The following PRKG1 variants were observed in gnomAD, a reference collection of about 807,000 sequenced individuals.
PRKG1 encodes the protein cGMP-dependent protein kinase 1.
A neutral mutation model predicts 88.1 loss-of-function variants in PRKG1; 35 were observed. That is an observed-to-expected ratio of 0.40 (90% confidence interval 0.30 to 0.53). The LOEUF is 0.53. PRKG1 is among the 20% of genes least tolerant of loss of function. The probability of loss-of-function intolerance (pLI) is 0.59; values close to 1 mark genes in which losing one functional copy is unlikely to be tolerated. For missense variants in PRKG1, 540 were observed against 839.8 expected, an observed-to-expected ratio of 0.64 and a Z score of 4.41; for synonymous variants, 303 against 292.5, an observed-to-expected ratio of 1.04 and a Z score of -0.37.
At chr10:52,009,054 A>G (rs1320022272) in intron 5 of PRKG1, among the ~76,000 whole-genome samples, 2 of 152,268 alleles carry the variant, frequency 1.3e-5, no homozygotes, top group East Asian at 3.9e-4. Context: ...ATCTATGACA[A>G]TCTCACAGCC....
chr10:52,231,699 T>C (rs1000693470), intron 9 of PRKG1, among the ~76,000 whole-genome samples: 1 of 152,220 alleles, frequency 6.6e-6, no homozygotes, highest in African/African-American at 2.4e-5. Context: ...CTCCACTTCC[T>C]GTATACAAAT....
chr10:51,504,784 A>G (rs376269939), intron 3 of PRKG1, among the ~76,000 whole-genome samples: 1,668 of 151,888 alleles, frequency 0.011, 35 homozygotes, highest in East Asian at 0.083. Flanking sequence ...TCTGTTATTG[A>G]TGTATAAGAA....
At chr10:52,239,252 C>G (rs1438939969) in intron 9 of PRKG1, among the ~76,000 whole-genome samples, 1 of 139,540 alleles carries the variant, frequency 7.2e-6, no homozygotes, top group African/African-American at 2.6e-5. Flanking sequence ...AGCGCACCGG[C>G]ATGGCACATG....
At chr10:51,327,014 T>C (rs1485679797) in intron 2 of PRKG1, among the ~76,000 whole-genome samples, 2 of 152,234 alleles carry the variant, frequency 1.3e-5, no homozygotes, top group Non-Finnish European at 2.9e-5. Context: ...TCAGCATGTA[T>C]ACTGCATATG....
At chr10:51,110,635 C>T (rs1212687892) in intron 1 of PRKG1, among the ~76,000 whole-genome samples, 1 of 152,042 alleles carries the variant, frequency 6.6e-6, no homozygotes, top group African/African-American at 2.4e-5. Flanking sequence ...TTAGTATAAA[C>T]ATATGCCAAA....
chr10:51,816,125 T>A (rs1022113759), intron 4 of PRKG1, among the ~76,000 whole-genome samples: 1 of 152,212 alleles, frequency 6.6e-6, no homozygotes, highest in Non-Finnish European at 1.5e-5. Flanking sequence ...GCATTTCCAT[T>A]TTACTGAGGC....
chr10:51,448,697 A>T lies in PRKG1; in HGVS notation c.479-19026A>T, dbSNP rs903936869. 5.3e-5 allele frequency among the ~76,000 whole-genome samples: 8 copies of T among 152,070 alleles called. No individual in the cohort carries two copies. In the East Asian group the frequency reaches 1.4e-3, roughly 26 times the overall value. On this transcript the variant is annotated intron_variant, in intron 2 of 17. Transcript: ENST00000373980. ...TTTGATATATACCAATGATTTTTTTAAAAAAGATAGAAATCTTGGGAGGTC... is the reference window on the plus strand; with the variant it reads ...TTTGATATATACCAATGATTTTTTTTAAAAAGATAGAAATCTTGGGAGGTC...
intron 4 of PRKG1, among the ~76,000 whole-genome samples, chr10:51,847,564 A>G (rs1256203637): frequency 6.6e-6 from 1 of 151,756 alleles, no homozygotes; most frequent in Non-Finnish European, 1.5e-5. Flanking sequence ...TATAAAGCAT[A>G]TTAATTAATT....
Position 52,118,240 on chromosome 10 carries a change from C to T in PRKG1, c.936-15600C>T, listed in dbSNP as rs113607928. On this transcript the variant is annotated intron_variant, in intron 7 of 17. Transcript: ENST00000373980. ...CTCTGTTTAAAGGATGTTTCTCTTT[C>T]CTTGTCTGTGAACTGACTGTTCATG... Among the ~76,000 whole-genome samples the T allele has an allele frequency of 8.5e-3, 1,297 of 151,978 alleles. 14 individuals are homozygous for T. The highest frequency in any genetic ancestry group is 0.026 in the African/African-American group (1,087 of 41,494).
chr10:52,244,783 T>G (rs183889824), intron 9 of PRKG1, among the ~76,000 whole-genome samples: 2 of 125,636 alleles, frequency 1.6e-5, no homozygotes, highest in Admixed American at 9.6e-5. Context: ...TATACCTTAA[T>G]ATATATTTAA....
In PRKG1 at chr10:52,289,015, T is replaced by TC. The variant is rs1842180426; in HGVS notation, c.1895+22_1895+23insC. On this transcript the variant is annotated intron_variant, in intron 16 of 17. Coordinates refer to ENST00000373980, the MANE Select transcript of PRKG1 (RefSeq NM_006258.4). ...ACAAGTAAGTGTTCTTTCTGCAGAG[T>TC]TCTGAACACGTGACATCATTTCCCC... 2.5e-6 allele frequency: 4 copies of TC among 1,586,184 alleles called. No individual in the cohort carries two copies. The African/African-American group carries it at 5.4e-5, about 22-fold the overall frequency.
chr10:51,033,481 G>C (rs1843313675), intron 1 of PRKG1, among the ~76,000 whole-genome samples: 1 of 152,058 alleles, frequency 6.6e-6, no homozygotes, highest in Non-Finnish European at 1.5e-5. Context: ...TTCCCACACT[G>C]CTTTGTTTTA....
chr10:51,174,349 A>G (rs551072048), intron 2 of PRKG1, among the ~76,000 whole-genome samples: 3 of 152,118 alleles, frequency 2.0e-5, no homozygotes, highest in Admixed American at 2.0e-4. Flanking sequence ...GTAACATTGT[A>G]AACATTTTAT....
chr10:51,829,902 C>T lies in PRKG1; in HGVS notation c.698+25212C>T, dbSNP rs1053174904. 2.6e-5 allele frequency among the ~76,000 whole-genome samples: 4 copies of T among 152,100 alleles called. No homozygotes were observed. The East Asian group carries it at 7.7e-4, about 29-fold the overall frequency. ...GGGAAGCAGGTTGCACTGATCTATGCCAACTTTTCAAATTGGTAAGAGCTG... is the reference window on the plus strand; with the variant it reads ...GGGAAGCAGGTTGCACTGATCTATGTCAACTTTTCAAATTGGTAAGAGCTG... On this transcript the variant is annotated intron_variant, in intron 4 of 17. Transcript: ENST00000373980.
At chr10:51,631,701 T>C (rs58488809) in intron 3 of PRKG1, among the ~76,000 whole-genome samples, 2,664 of 152,290 alleles carry the variant, frequency 0.017, 87 homozygotes, top group African/African-American at 0.061. Context: ...CTAGATCCCT[T>C]GAGTGTGCAG....
intron 5 of PRKG1, 185 bp downstream of exon 5, chr10:51,907,755 G>A (rs1001428510): frequency 2.1e-6 from 1 of 483,228 alleles, no homozygotes; most frequent in Non-Finnish European, 3.6e-6. Flanking sequence ...TTTATATGCA[G>A]AAAGGTGCAA....
chr10:51,110,828 G>A (rs766329655), intron 1 of PRKG1, among the ~76,000 whole-genome samples: 34 of 152,072 alleles, frequency 2.2e-4, no homozygotes, highest in Non-Finnish European at 3.5e-4. Flanking sequence ...CCCAACTGCG[G>A]AATCCACTTA....
intron 3 of PRKG1, among the ~76,000 whole-genome samples, chr10:51,515,776 C>G (rs1841563129): frequency 6.6e-6 from 1 of 152,108 alleles, no homozygotes; most frequent in Non-Finnish European, 1.5e-5. Context: ...GTTTATTTAG[C>G]CTGGCCCACT....
chr10:51,810,770 A>T (rs189247316), intron 4 of PRKG1, among the ~76,000 whole-genome samples: 15 of 152,292 alleles, frequency 9.8e-5, no homozygotes, highest in Admixed American at 9.2e-4. Flanking sequence ...AATGGCCTTG[A>T]CTAGGAAGTC....
Sources: allele counts gnomAD v4.1 joint callset (sites outside exome capture counted in the v4.1 genomes callset), GRCh38; gene constraint gnomAD v4.1.1; transcripts MANE v1.5; gene names NCBI Gene and HGNC (gene_info 2026-07-23, HGNC 2026-07-21).